PPP3CA: variants seen among roughly 807,000 people sequenced by gnomAD.
The protein encoded by PPP3CA is protein phosphatase 3 catalytic subunit alpha.
In PPP3CA, 14 loss-of-function variants were observed where a neutral mutation model predicts 66.5. That is an observed-to-expected ratio of 0.21 (90% confidence interval 0.14 to 0.33). PPP3CA has a LOEUF of 0.33. Ranked by LOEUF, PPP3CA falls within the 10% of genes least tolerant of loss-of-function variation. PPP3CA has a pLI of 1.00. For missense variants in PPP3CA, 317 were observed against 639.5 expected (o/e 0.50, Z 5.44); for synonymous variants, 232 against 226.2 (o/e 1.03, Z -0.23).
intron 1 of PPP3CA, among the ~76,000 whole-genome samples, chr4:101,346,248 T>C (rs1231327942): frequency 6.6e-6 from 1 of 151,888 alleles, no homozygotes; most frequent in Non-Finnish European, 1.5e-5. Context: ...AAGACAACCC[T>C]GCCCAAGTGA....
intron 9 of PPP3CA, among the ~76,000 whole-genome samples, chr4:101,062,712 G>T (rs971640851): frequency 6.6e-6 from 1 of 151,882 alleles, no homozygotes; most frequent in South Asian, 2.1e-4. Flanking sequence ...CTTATAATGC[G>T]CTAATGCCTA....
At position 101,174,588 on chromosome 4, in the gene PPP3CA, A is replaced by ACCT. The variant is rs1723995069; in HGVS notation, c.259+21327_259+21328insAGG. On this transcript the variant is annotated intron_variant, in intron 2 of 13. Transcript: ENST00000394854. ...ACAACAATATAAAGAATATGTGTGCAAACCTAAACACAAAATTATACATAT... is the reference window on the plus strand; with the variant it reads ...ACAACAATATAAAGAATATGTGTGCACCTAACCTAAACACAAAATTATACATAT... Among the ~76,000 whole-genome samples, 16 of 152,340 alleles carry ACCT rather than the reference A, an allele frequency of 1.1e-4. No homozygotes were observed. In the South Asian group the frequency reaches 3.3e-3, roughly 32 times the overall value.
intron 1 of PPP3CA, among the ~76,000 whole-genome samples, chr4:101,316,537 G>A (rs1182399485): frequency 1.3e-5 from 2 of 152,164 alleles, no homozygotes; most frequent in African/African-American, 4.8e-5. Flanking sequence ...AATACAGGGA[G>A]TTGGTTTAGG....
intron 8 of PPP3CA, among the ~76,000 whole-genome samples, chr4:101,067,514 T>C (rs905532643): frequency 1.3e-4 from 19 of 151,844 alleles, no homozygotes; most frequent in African/African-American, 4.6e-4. Context: ...GGGTCTTTCT[T>C]ACTTTAATTT....
At chr4:101,170,259 T>C (rs1443074128) in intron 2 of PPP3CA, among the ~76,000 whole-genome samples, 3 of 125,928 alleles carry the variant, frequency 2.4e-5, no homozygotes, top group Non-Finnish European at 5.6e-5. Flanking sequence ...TATATAAAAC[T>C]ACATAGAAAA....
intron 3 of PPP3CA, among the ~76,000 whole-genome samples, chr4:101,101,957 C>CT (rs570632607): frequency 1.3e-5 from 2 of 152,092 alleles, no homozygotes; most frequent in African/African-American, 2.4e-5. Context: ...CCCACATTTT[C>CT]TTTTTTTGCT....
At chr4:101,153,036 A>G (rs987638641) in intron 2 of PPP3CA, among the ~76,000 whole-genome samples, 2 of 152,178 alleles carry the variant, frequency 1.3e-5, no homozygotes, top group African/African-American at 4.8e-5. Context: ...TAGTAAATCT[A>G]GAGTCTGGAG....
In PPP3CA at chr4:101,213,738, T is replaced by C. The variant is rs1288040601; in HGVS notation, c.59-17622A>G. Among the ~76,000 whole-genome samples, 5 of 152,126 alleles carry C rather than the reference T, an allele frequency of 3.3e-5. No homozygotes were observed. The East Asian group carries it at 9.6e-4, about 29-fold the overall frequency. On this transcript the variant is annotated intron_variant, in intron 1 of 13. Coordinates refer to ENST00000394854, the MANE Select transcript of PPP3CA (RefSeq NM_000944.5). ...AAGAAAACGAGTTCACATTAAATGG[T>C]AAAAATAACACAGCTTGTGGGCAGA...
At chr4:101,237,683 C>T (rs551026099) in intron 1 of PPP3CA, among the ~76,000 whole-genome samples, 12 of 152,126 alleles carry the variant, frequency 7.9e-5, no homozygotes, top group Admixed American at 1.3e-4. Context: ...ACTTCTTGAA[C>T]GAACAGAGCA....
At chr4:101,093,409 T>G (rs1285902898) in intron 6 of PPP3CA, among the ~76,000 whole-genome samples, 2 of 151,862 alleles carry the variant, frequency 1.3e-5, no homozygotes, top group African/African-American at 2.4e-5. Context: ...TACATTTGTT[T>G]TTTTTTTTTT....
chr4:101,335,905 G>C (rs1010414487), intron 1 of PPP3CA, among the ~76,000 whole-genome samples: 2 of 152,172 alleles, frequency 1.3e-5, no homozygotes, highest in Admixed American at 6.5e-5. Context: ...TCCTAGGATG[G>C]AGGAGGACCT....
At chr4:101,251,420 G>A (rs543842287) in intron 1 of PPP3CA, among the ~76,000 whole-genome samples, 18 of 151,442 alleles carry the variant, frequency 1.2e-4, no homozygotes, top group African/African-American at 3.7e-4. Flanking sequence ...TGACTGACAC[G>A]CAGTATTCTT....
intron 1 of PPP3CA, among the ~76,000 whole-genome samples, chr4:101,223,186 A>G (rs2110215709): frequency 6.6e-6 from 1 of 151,888 alleles, no homozygotes; most frequent in South Asian, 2.1e-4. Flanking sequence ...GGCTCTCTTT[A>G]TAATTAGCTA....
chr4:101,099,764 T>C (rs1265284852), intron 3 of PPP3CA, 42 bp from the exon 4 acceptor site: 1 of 1,118,232 alleles, frequency 8.9e-7, no homozygotes, highest in Admixed American at 2.8e-5. Context: ...TATTTTTCCT[T>C]AACACTTATG....
At chr4:101,054,004 T>C (rs1728120411) in intron 10 of PPP3CA, among the ~76,000 whole-genome samples, 1 of 152,080 alleles carries the variant, frequency 6.6e-6, no homozygotes, top group Non-Finnish European at 1.5e-5. Context: ...AAATACTGTT[T>C]TTATTATGTT....
intron 2 of PPP3CA, among the ~76,000 whole-genome samples, chr4:101,119,064 T>C (rs1181751922): frequency 1.3e-5 from 2 of 151,586 alleles, no homozygotes; most frequent in African/African-American, 4.9e-5. Context: ...GACAGGGCAG[T>C]TATTTCAGAA....
At chr4:101,047,818 G>T (rs1190327227) in intron 10 of PPP3CA, among the ~76,000 whole-genome samples, 1 of 151,648 alleles carries the variant, frequency 6.6e-6, no homozygotes, top group Non-Finnish European at 1.5e-5. Context: ...TGAGGTGATG[G>T]GTCCTAAGTG....
At chr4:101,291,172 C>A (rs1013080103) in intron 1 of PPP3CA, among the ~76,000 whole-genome samples, 16 of 152,088 alleles carry the variant, frequency 1.1e-4, no homozygotes, top group African/African-American at 3.9e-4. Context: ...GTAATTAGAA[C>A]CTCTAAATCA....
chr4:101,148,944 G>C (rs1243818774), intron 2 of PPP3CA, among the ~76,000 whole-genome samples: 2 of 152,116 alleles, frequency 1.3e-5, no homozygotes, highest in Non-Finnish European at 2.9e-5. Flanking sequence ...GTCTATCACA[G>C]AAATTGTTCT....
Sources: allele counts gnomAD v4.1 joint callset (sites outside exome capture counted in the v4.1 genomes callset), GRCh38; gene constraint gnomAD v4.1.1; transcripts MANE v1.5; gene names NCBI Gene and HGNC (gene_info 2026-07-23, HGNC 2026-07-21).